The following PPM1L variants were observed in gnomAD, a reference collection of about 807,000 sequenced individuals.
The protein encoded by PPM1L is protein phosphatase, Mg2+/Mn2+ dependent 1L.
Under a neutral mutation model 31.4 loss-of-function variants are expected in PPM1L, and 13 were observed. The observed-to-expected ratio is 0.41, with a 90% CI of 0.27 to 0.66. PPM1L has a LOEUF of 0.66. Ranked by LOEUF, PPM1L falls within the 30% of genes least tolerant of loss-of-function variation. The probability of loss-of-function intolerance (pLI) is 0.29; values close to 1 mark genes in which losing one functional copy is unlikely to be tolerated. For synonymous variants in PPM1L, 184 were observed against 175.4 expected (o/e 1.05, Z -0.39); for missense variants, 326 against 453.7 (o/e 0.72, Z 2.56).
chr3:160,972,202 CT>C (rs143474048), intron 2 of PPM1L, among the ~76,000 whole-genome samples: 18 of 151,868 alleles, frequency 1.2e-4, no homozygotes, highest in East Asian at 3.9e-4. Context: ...CAGACTTAAT[CT>C]TTTTTTTTAT....
intron 1 of PPM1L, among the ~76,000 whole-genome samples, chr3:160,768,593 T>A (rs1322335328): frequency 6.6e-6 from 1 of 152,204 alleles, no homozygotes; most frequent in Non-Finnish European, 1.5e-5. Context: ...TAATCAGTAG[T>A]GGCTCCTGTT....
chr3:160,907,539 A>G (rs116782927), intron 1 of PPM1L, among the ~76,000 whole-genome samples: 2,067 of 152,254 alleles, frequency 0.014, 49 homozygotes, highest in African/African-American at 0.047. Context: ...TCTTGGCAAT[A>G]TAGTGTTTTC....
intron 1 of PPM1L, among the ~76,000 whole-genome samples, chr3:160,813,487 G>A (rs909260483): frequency 2.0e-5 from 3 of 151,956 alleles, no homozygotes; most frequent in Admixed American, 1.3e-4. Context: ...CTACAGGTGC[G>A]TGCCACCATG....
intron 1 of PPM1L, among the ~76,000 whole-genome samples, chr3:160,948,857 G>C (rs896232773): frequency 6.6e-6 from 1 of 152,138 alleles, no homozygotes; most frequent in Non-Finnish European, 1.5e-5. Context: ...TACAACCCTA[G>C]ATGTACATCA....
chr3:161,003,932 A>G (rs1156701027), intron 2 of PPM1L, among the ~76,000 whole-genome samples: 4 of 149,992 alleles, frequency 2.7e-5, no homozygotes, highest in Non-Finnish European at 4.4e-5. Flanking sequence ...TTCAAAGGGA[A>G]TGCTTCCAGT....
intron 1 of PPM1L, among the ~76,000 whole-genome samples, chr3:160,922,271 C>T: frequency 6.6e-6 from 1 of 152,170 alleles, no homozygotes; most frequent in Non-Finnish European, 1.5e-5. Flanking sequence ...GATCACACCA[C>T]TGCACTCCAG....
chr3:160,804,257 T>C (rs73155990), intron 1 of PPM1L, among the ~76,000 whole-genome samples: 1 of 152,268 alleles, frequency 6.6e-6, no homozygotes, highest in Non-Finnish European at 1.5e-5. Context: ...AATTTAACTT[T>C]TAAAAAACCT....
chr3:160,989,693 T>C (rs1717069708), intron 2 of PPM1L, among the ~76,000 whole-genome samples: 1 of 152,304 alleles, frequency 6.6e-6, no homozygotes, highest in African/African-American at 2.4e-5. Flanking sequence ...AGAGTCTTGC[T>C]CTGTCACCCA....
At chr3:160,914,082 C>A (rs1322614200) in intron 1 of PPM1L, among the ~76,000 whole-genome samples, 1 of 152,152 alleles carries the variant, frequency 6.6e-6, no homozygotes, top group Non-Finnish European at 1.5e-5. Flanking sequence ...TCTTCCACAT[C>A]TTTGCCAACA....
At chr3:161,033,635 C>T (rs1190440484) in intron 2 of PPM1L, among the ~76,000 whole-genome samples, 1 of 152,126 alleles carries the variant, frequency 6.6e-6, no homozygotes, top group Non-Finnish European at 1.5e-5. Context: ...AACTGGCTAG[C>T]TATATGTAGA....
intron 2 of PPM1L, among the ~76,000 whole-genome samples, chr3:161,055,403 C>T (rs1559939177): frequency 6.6e-6 from 1 of 152,050 alleles, no homozygotes; most frequent in Non-Finnish European, 1.5e-5. Context: ...GGCTGGAAAC[C>T]TCTGCTGACA....
chr3:160,782,323 T>TACCACC (rs796732894), intron 1 of PPM1L, among the ~76,000 whole-genome samples: 21 of 152,256 alleles, frequency 1.4e-4, no homozygotes, highest in African/African-American at 4.3e-4. Flanking sequence ...TTTTCAGCAC[T>TACCACC]ACCACCACCA....
At chr3:160,779,947 G>C (rs1037886461) in intron 1 of PPM1L, among the ~76,000 whole-genome samples, 1 of 151,940 alleles carries the variant, frequency 6.6e-6, no homozygotes, top group African/African-American at 2.4e-5. Context: ...TCATAGGACT[G>C]TTAAGACATT....
chr3:161,016,460 A>T (rs1718090718), intron 2 of PPM1L, among the ~76,000 whole-genome samples: 1 of 152,194 alleles, frequency 6.6e-6, no homozygotes, highest in Non-Finnish European at 1.5e-5. Flanking sequence ...ATGATGCCCT[A>T]ACCAAGATAT....
At chr3:160,769,098 T>C (rs907019576) in intron 1 of PPM1L, among the ~76,000 whole-genome samples, 2 of 152,216 alleles carry the variant, frequency 1.3e-5, no homozygotes, top group Admixed American at 1.3e-4. Flanking sequence ...AACTTGGTCA[T>C]GGGAATGTGA....
At chr3:161,062,435 T>C (rs1719599923) in intron 2 of PPM1L, among the ~76,000 whole-genome samples, 1 of 152,152 alleles carries the variant, frequency 6.6e-6, no homozygotes, top group African/African-American at 2.4e-5. Context: ...AACCCATCTC[T>C]ACAAAATAAA....
At chr3:161,035,831 CA>C (rs1718725048) in intron 2 of PPM1L, 1 of 152,158 alleles carries the variant, frequency 6.6e-6, no homozygotes, top group Admixed American at 6.5e-5. Flanking sequence ...TTCTTTTTTG[CA>C]GTGCTTTTCA....
At chr3:160,941,490 G>T (rs1216592307) in intron 1 of PPM1L, among the ~76,000 whole-genome samples, 1 of 152,112 alleles carries the variant, frequency 6.6e-6, no homozygotes, top group South Asian at 2.1e-4. Flanking sequence ...GTTTCTCATG[G>T]TATTCTCATG....
At chr3:160,930,536 C>T (rs763697181) in intron 1 of PPM1L, among the ~76,000 whole-genome samples, 1 of 152,086 alleles carries the variant, frequency 6.6e-6, no homozygotes, top group South Asian at 2.1e-4. Flanking sequence ...AACCGAATTC[C>T]GGTTTAGCTG....
Sources: gnomAD v4.1 joint callset for allele counts (sites outside exome capture counted in the v4.1 genomes callset) on GRCh38, gnomAD v4.1.1 for gene constraint, MANE v1.5 for transcripts, NCBI Gene and HGNC (gene_info 2026-07-23, HGNC 2026-07-21) for gene names.